FZD6: variants seen among roughly 807,000 people sequenced by gnomAD.
FZD6 encodes the protein frizzled-6.
In FZD6, 49 loss-of-function variants were observed where a neutral mutation model predicts 61.4. The observed-to-expected ratio is 0.80, with a 90% CI of 0.63 to 1.01. The LOEUF (loss-of-function observed/expected upper bound fraction) is 1.01. FZD6 is among the 50% of genes least tolerant of loss of function. FZD6 has a pLI of 0.00. For missense variants in FZD6, 724 were observed against 848.2 expected, an observed-to-expected ratio of 0.85 and a Z score of 1.82; for synonymous variants, 265 against 292.2, an observed-to-expected ratio of 0.91 and a Z score of 0.95.
At chr8:103,319,749 C>T (rs964477449) in intron 3 of FZD6, among the ~76,000 whole-genome samples, 1 of 152,142 alleles carries the variant, frequency 6.6e-6, no homozygotes, top group African/African-American at 2.4e-5. Context: ...GCATTCAAGG[C>T]AGAGGACATG....
chr8:103,299,365 G>A lies in FZD6; in HGVS notation c.-153+370G>A, dbSNP rs937898855. Among the ~76,000 whole-genome samples, 3 of 152,348 alleles carry A rather than the reference G, an allele frequency of 2.0e-5. No individual in the cohort carries two copies. In the East Asian group the frequency reaches 5.8e-4, roughly 29 times the overall value. On this transcript the variant is annotated intron_variant, in intron 1 of 6. Coordinates refer to ENST00000358755, the MANE Select transcript of FZD6 (RefSeq NM_003506.4). ...GGGACTGCCTTCGCCCTTCCCCCGG[G>A]ACAGATTTGCGCACTTTCCTTTCGA...
Position 103,325,349 on chromosome 8 carries a change from A to G in FZD6, c.1243A>G (p.Ile415Val), listed in dbSNP as rs370982279. ...RNQEKLKKFM[I>V]RIGVFSGLYL... ...CCAAGAAAAACTAAAGAAATTTATG[A>G]TTCGAATTGGAGTCTTCAGCGGCTT... The change falls in exon 4 of 7, where the codon ATT becomes GTT. Residue 415 changes from isoleucine to valine, a missense_variant. Transcript: ENST00000358755. 5.0e-6 allele frequency: 8 copies of G among 1,614,010 alleles called. No individual in the cohort carries two copies. In the African/African-American group the frequency reaches 9.3e-5, roughly 19 times the overall value.
chr8:103,306,249 C>T (rs1814326715), intron 2 of FZD6, among the ~76,000 whole-genome samples: 1 of 152,060 alleles, frequency 6.6e-6, no homozygotes, highest in African/African-American at 2.4e-5. Flanking sequence ...TTTTTGTTCT[C>T]TTGTATTCCA....
chr8:103,322,022 T>C (rs548586756), intron 3 of FZD6, among the ~76,000 whole-genome samples: 2 of 152,306 alleles, frequency 1.3e-5, no homozygotes, highest in East Asian at 3.9e-4. Context: ...ACTTTCCTAT[T>C]GTGATTTATC....
At chr8:103,307,818 A>G in intron 2 of FZD6, 1 of 456,066 alleles carries the variant, frequency 2.2e-6, no homozygotes, top group Non-Finnish European at 4.4e-6. Context: ...TAGAATCGCC[A>G]GGTGGGCTAG....
intron 2 of FZD6, among the ~76,000 whole-genome samples, chr8:103,306,536 T>C (rs2642362): frequency 0.94 from 128,705 of 136,788 alleles, 60,604 homozygotes; most frequent in East Asian, 1. Context: ...CAGAGTCTCG[T>C]TCTGTCACCC....
At chr8:103,318,854 TAGTG>T in intron 3 of FZD6, 68 bp downstream of exon 3, 4 of 882,328 alleles carry the variant, frequency 4.5e-6, no homozygotes, top group South Asian at 2.7e-5. Flanking sequence ...TCTGGGATGT[TAGTG>T]AGAAGCTTTC....
intron 2 of FZD6, among the ~76,000 whole-genome samples, chr8:103,301,198 A>G (rs1814160898): frequency 6.6e-6 from 1 of 152,178 alleles, no homozygotes; most frequent in Admixed American, 6.5e-5. Context: ...GTTCAGTTGA[A>G]TAGTTGTCTG....
intron 2 of FZD6, among the ~76,000 whole-genome samples, chr8:103,313,795 TG>T (rs1327640198): frequency 2.1e-5 from 3 of 144,292 alleles, no homozygotes; most frequent in Non-Finnish European, 4.5e-5. Context: ...TGTGTGTGTG[TG>T]TGTGTGTCAG....
chr8:103,330,906 G>A (rs372496342), intron 6 of FZD6, among the ~76,000 whole-genome samples: 38 of 152,286 alleles, frequency 2.5e-4, no homozygotes, highest in African/African-American at 7.9e-4. Context: ...GGCCAGGCAC[G>A]GTGGCTCACG....
intron 2 of FZD6, among the ~76,000 whole-genome samples, chr8:103,310,273 G>A (rs1814456840): frequency 6.6e-6 from 1 of 151,146 alleles, no homozygotes; most frequent in African/African-American, 2.4e-5. Context: ...TTGTGTGTGT[G>A]TTTCATTTTT....
Position 103,324,978 on chromosome 8 carries a change from T to G in FZD6, c.872T>G (p.Phe291Cys). The change falls in exon 4 of 7, where the codon TTT becomes TGT. Residue 291 changes from phenylalanine to cysteine, a missense_variant. Transcript: ENST00000358755. ...ACTVLFMLLY[F>C]FTMAGTVWWV... ...ACCGTTTTGTTCATGCTTTTGTATT[T>G]TTTCACAATGGCTGGCACTGTGTGG... 1 of 1,614,150 alleles carries G rather than the reference T, an allele frequency of 6.2e-7. No individual in the cohort carries two copies. Among genetic ancestry groups the G allele is most frequent in the Non-Finnish European group, 8.5e-7 (1 of 1,180,022 alleles).
At chr8:103,303,863 T>C (rs933021381) in intron 2 of FZD6, among the ~76,000 whole-genome samples, 4 of 152,238 alleles carry the variant, frequency 2.6e-5, no homozygotes, top group Non-Finnish European at 4.4e-5. Context: ...TTCTAGTTAT[T>C]TATATGAAGT....
chr8:103,329,663 G>A lies in FZD6; in HGVS notation c.1550G>A (p.Ser517Asn). Residue 517 changes from serine (S) to asparagine (N), a missense_variant, in exon 6 of 7, where the codon AGT (serine) becomes AAT (asparagine). Transcript: ENST00000358755. ...FKRNRKRDPISESRRVLQESC... is the reference protein window; with the variant it reads ...FKRNRKRDPINESRRVLQESC... The stretch of plus-strand genomic sequence containing the variant: ...CTTCAATTTTCTTATAGTCCAATCA[G>A]TGAAAGTCGAAGAGTACTACAGGAA... The A allele has an allele frequency of 6.2e-7, 1 of 1,605,510 alleles. No homozygotes were observed. The highest frequency in any genetic ancestry group is 2.2e-5 in the East Asian group (1 of 44,844).
intron 3 of FZD6, among the ~76,000 whole-genome samples, chr8:103,321,946 G>C (rs1814802549): frequency 6.6e-6 from 1 of 151,970 alleles, no homozygotes; most frequent in Non-Finnish European, 1.5e-5. Context: ...TCATTTTCCT[G>C]TCTTTATTAT....
At chr8:103,321,357 A>G (rs1346776851) in intron 3 of FZD6, among the ~76,000 whole-genome samples, 3 of 152,236 alleles carry the variant, frequency 2.0e-5, no homozygotes, top group African/African-American at 4.8e-5. Flanking sequence ...TAGTTGGGTC[A>G]GCTGCACATA....
intron 2 of FZD6, among the ~76,000 whole-genome samples, chr8:103,304,367 G>A (rs994389206): frequency 6.6e-6 from 1 of 152,212 alleles, no homozygotes; most frequent in Non-Finnish European, 1.5e-5. Context: ...TAGACCAGCA[G>A]CTTGTGAGCT....
At chr8:103,300,934 A>T (rs1814150586) in intron 2 of FZD6, among the ~76,000 whole-genome samples, 1 of 152,196 alleles carries the variant, frequency 6.6e-6, no homozygotes, top group Non-Finnish European at 1.5e-5. Flanking sequence ...GCAAATTACT[A>T]GGGAGTGTGA....
intron 2 of FZD6, among the ~76,000 whole-genome samples, chr8:103,310,909 C>A (rs1303266339): frequency 6.6e-6 from 1 of 152,196 alleles, no homozygotes; most frequent in South Asian, 2.1e-4. Flanking sequence ...AAACCCAGTT[C>A]TAGAGTTCCT....
Sources: allele counts gnomAD v4.1 joint callset (sites outside exome capture counted in the v4.1 genomes callset), GRCh38; gene constraint gnomAD v4.1.1; transcripts MANE v1.5; gene names NCBI Gene and HGNC (gene_info 2026-07-23, HGNC 2026-07-21).